COL4A1: variants seen among roughly 807,000 people sequenced by gnomAD.
COL4A1 encodes collagen alpha-1(IV) chain.
A neutral mutation model predicts 216.6 loss-of-function variants in COL4A1; 40 were observed. That is an observed-to-expected ratio of 0.18 (90% CI 0.14 to 0.24). The LOEUF (loss-of-function observed/expected upper bound fraction) is 0.24, where lower values mean the gene tolerates loss of function less well. COL4A1 is among the 10% of genes least tolerant of loss of function. The pLI is 1.00. For missense variants in COL4A1, 1,628 were observed against 2,196.8 expected (o/e 0.74, Z 5.18); for synonymous variants, 839 against 810.7 (o/e 1.03, Z -0.59).
At position 110,198,393 on chromosome 13, in the gene COL4A1, C is replaced by A. The variant is rs565624320; in HGVS notation, c.1285+74G>T. ...CTCTGGCTGTGGGGGACTATCACAG[C>A]CCCCAACCTGGGTCTGCCCGGCACC... is the stretch of plus-strand genomic sequence containing the variant. On this transcript the variant is annotated intron_variant, in intron 21 of 51. Transcript: ENST00000375820. 7.1e-6 allele frequency: 11 copies of A among 1,558,868 alleles called. No homozygotes were observed. In the South Asian group the frequency reaches 1.1e-4, roughly 16 times the overall value.
chr13:110,263,689 C>A (rs78231406), intron 1 of COL4A1, among the ~76,000 whole-genome samples: 4,720 of 152,172 alleles, frequency 0.031, 206 homozygotes, highest in East Asian at 0.23. Context: ...GTAGATTTTG[C>A]CTCTTGTATG....
In COL4A1 at chr13:110,162,315, C is replaced by T; in HGVS notation, c.4377G>A (p.Gln1459=). ...AAAGAATTTTGGTCCCAGAAGGACA[C>T]TGTGGGTCATCTATTGTTTGACTAT... is the stretch of plus-strand genomic sequence containing the variant. ...TRHSQTIDDP[Q]CPSGTKILYH... is the part of the protein sequence containing the mutation. The change falls in exon 48 of 52, where the codon CAG becomes CAA. Residue 1459 remains glutamine (Q), a synonymous_variant. Transcript: ENST00000375820. The T allele has an allele frequency of 1.9e-6, 3 of 1,614,234 alleles. No homozygotes were observed. The highest frequency in any genetic ancestry group is 2.5e-6 in the Non-Finnish European group (3 of 1,180,028).
Position 110,161,259 on chromosome 13 carries a change from T to C in COL4A1, c.4573A>G (p.Thr1525Ala), listed in dbSNP as rs2138427724. The change falls in exon 49 of 52, where the codon ACC (threonine) becomes GCC (alanine). Residue 1525 changes from threonine to alanine, a missense_variant. Transcript: ENST00000375820. ...SRNDYSYWLS[T>A]PEPMPMSMAP... is the part of the protein sequence containing the mutation. ...ATTGACATGGGCATGGGCTCAGGGG[T>C]GGACAGCCAGTACGAGTAGTCATTT... is the stretch of plus-strand genomic sequence containing the variant. 2 of 1,614,146 alleles carry C rather than the reference T, an allele frequency of 1.2e-6. No individual in the cohort carries two copies.
chr13:110,205,682 G>A (rs1452697799), intron 15 of COL4A1, 144 bp from the exon 16 acceptor site: 6 of 849,342 alleles, frequency 7.1e-6, no homozygotes, highest in Non-Finnish European at 5.8e-6. Context: ...GGCCAACATG[G>A]CGAAATCCCG....
chr13:110,216,272 C>T (rs1382922597), intron 2 of COL4A1, among the ~76,000 whole-genome samples: 1 of 152,124 alleles, frequency 6.6e-6, no homozygotes, highest in Admixed American at 6.5e-5. Flanking sequence ...TTAAATACAC[C>T]CTGCAGTGAT....
chr13:110,222,131 C>T (rs1880512099), intron 2 of COL4A1, among the ~76,000 whole-genome samples: 1 of 152,184 alleles, frequency 6.6e-6, no homozygotes, highest in Admixed American at 6.5e-5. Context: ...CAGCAGCACC[C>T]CAGGGCCCTG....
At position 110,219,844 on chromosome 13, in the gene COL4A1, GTGTA is replaced by G. The variant is rs1262038342; in HGVS notation, c.145-5833_145-5830del. 2.5e-5 allele frequency among the ~76,000 whole-genome samples: 3 copies of G among 119,044 alleles called. No individual in the cohort carries two copies. The Admixed American group carries it at 2.8e-4, about 11-fold the overall frequency. The allele number at this position is 119,044 out of a possible 152,430, so 78.1% of individuals were successfully genotyped here. Reference sequence around the variant, plus strand: ...TATATATATGTATGTATGTATATATGTGTATATATATGTATATATGTGTGTGTAT... The same window carrying G: ...TATATATATGTATGTATGTATATATGTATATATGTATATATGTGTGTGTAT... On this transcript the variant is annotated intron_variant, in intron 2 of 51. Transcript: ENST00000375820.
At chr13:110,167,260 G>A in intron 43 of COL4A1, 30 bp from the exon 44 acceptor site, 1 of 1,550,022 alleles carries the variant, frequency 6.5e-7, no homozygotes, top group Non-Finnish European at 8.9e-7. Flanking sequence ...GTTGGGAATT[G>A]CTCAGGATAT....
At chr13:110,279,189 A>G (rs1268417240) in intron 1 of COL4A1, among the ~76,000 whole-genome samples, 1 of 151,894 alleles carries the variant, frequency 6.6e-6, no homozygotes, top group Non-Finnish European at 1.5e-5. Flanking sequence ...TATACACTGG[A>G]GCGCCCTTTC....
intron 1 of COL4A1, among the ~76,000 whole-genome samples, chr13:110,291,261 TA>T (rs1286039761): frequency 6.6e-6 from 1 of 152,230 alleles, no homozygotes; most frequent in Non-Finnish European, 1.5e-5. Flanking sequence ...TAAATTCATC[TA>T]AACTCTTGAT....
chr13:110,150,632 C>T (rs557866259), intron 51 of COL4A1, among the ~76,000 whole-genome samples, 188 bp from the exon 52 acceptor site: 83 of 152,330 alleles, frequency 5.4e-4, no homozygotes, highest in African/African-American at 1.8e-3. Context: ...GCACACAGAA[C>T]ACTGCAGGTT....
rs1883136203 is a variant in COL4A1 at position 110,268,738 on chromosome 13, G to A, written c.85-26004C>T. ...TGACACCTGCCTCTTAACACAACTG[G>A]GACAAGGAAATCAGCTGACTTCCAG... On this transcript the variant is annotated intron_variant, in intron 1 of 51. Transcript: ENST00000375820. This position sits in a 1 kb window ranked among gnomAD's most constrained non-coding sequence, Gnocchi z 4.1. Among the ~76,000 whole-genome samples, 1 of 152,166 alleles carries A rather than the reference G, an allele frequency of 6.6e-6. No homozygotes were observed. Among genetic ancestry groups the A allele is most frequent in the Non-Finnish European group, 1.5e-5 (1 of 68,034 alleles).
intron 1 of COL4A1, among the ~76,000 whole-genome samples, chr13:110,248,529 T>C (rs1280172251): frequency 2.0e-5 from 3 of 151,884 alleles, no homozygotes; most frequent in African/African-American, 4.8e-5. Context: ...TCTCGCTCTG[T>C]GGCGCAGGCT....
intron 41 of COL4A1, among the ~76,000 whole-genome samples, chr13:110,171,972 A>G (rs764878168): frequency 6.6e-5 from 10 of 152,204 alleles, no homozygotes; most frequent in Non-Finnish European, 1.3e-4. Flanking sequence ...TGCCAAGGAA[A>G]CACTCTGGGC....
At chr13:110,162,038 G>C (rs1187658492) in intron 48 of COL4A1, 192 bp downstream of exon 48, 2 of 683,402 alleles carry the variant, frequency 2.9e-6, no homozygotes, top group East Asian at 2.5e-5. Context: ...TACAGCAGCT[G>C]TTGAACCGAT....
chr13:110,150,280 G>A lies in COL4A1; in HGVS notation c.*83C>T. ...TTCATATTGGACAGTGAGGTACACA[G>A]GATATATTTCTAGGGTTCGTTGCTG... On this transcript the variant is annotated 3_prime_UTR_variant, in exon 52 of 52. Transcript: ENST00000375820. 1 of 1,292,214 alleles carries A rather than the reference G, an allele frequency of 7.7e-7. No homozygotes were observed. Among genetic ancestry groups the A allele is most frequent in the Non-Finnish European group, 1.1e-6 (1 of 911,814 alleles). The allele number at this position is 1,292,214 out of a possible 1,614,324, so 80.0% of individuals were successfully genotyped here.
At chr13:110,290,849 G>A (rs1244377094) in intron 1 of COL4A1, among the ~76,000 whole-genome samples, 1 of 152,220 alleles carries the variant, frequency 6.6e-6, no homozygotes, top group Non-Finnish European at 1.5e-5. Flanking sequence ...TGTCACTTTT[G>A]GGTCTATCCT....
At chr13:110,249,615 G>A in intron 1 of COL4A1, among the ~76,000 whole-genome samples, 1 of 152,146 alleles carries the variant, frequency 6.6e-6, no homozygotes, top group Non-Finnish European at 1.5e-5. Context: ...GAGGACTCCA[G>A]GGACTTCGTG....
At chr13:110,170,161 A>G (rs1342627252) in intron 42 of COL4A1, among the ~76,000 whole-genome samples, 1 of 142,534 alleles carries the variant, frequency 7.0e-6, no homozygotes, top group Non-Finnish European at 1.5e-5. Flanking sequence ...ACAGACATAG[A>G]AATGCCACTG....
Sources: allele counts gnomAD v4.1 joint callset (sites outside exome capture counted in the v4.1 genomes callset), GRCh38; gene constraint gnomAD v4.1.1; non-coding constraint Gnocchi (gnomAD v3.1); transcripts MANE v1.5; gene names NCBI Gene and HGNC (gene_info 2026-07-23, HGNC 2026-07-21).